MLLT3: variants seen among roughly 807,000 people sequenced by gnomAD.
The protein encoded by MLLT3 is MLLT3 super elongation complex subunit.
Under a neutral mutation model 53.2 loss-of-function variants are expected in MLLT3, and 4 were observed. The observed-to-expected ratio is 0.08, with a 90% CI of 0.04 to 0.17. MLLT3 has a LOEUF of 0.17. Ranked by LOEUF, MLLT3 falls within the 10% of genes least tolerant of loss-of-function variation. The pLI is 1.00. For synonymous variants in MLLT3, 283 were observed against 230.6 expected (o/e 1.23, Z -2.06); for missense variants, 569 against 684.0 (o/e 0.83, Z 1.87).
chr9:20,483,701 T>C (rs1824728637), intron 2 of MLLT3, among the ~76,000 whole-genome samples: 2 of 13,588 alleles, frequency 1.5e-4, no homozygotes, highest in Admixed American at 8.0e-4. Context: ...TAAAACTCTT[T>C]TTTTTTTTTT....
At chr9:20,611,921 C>T (rs530201673) in intron 2 of MLLT3, among the ~76,000 whole-genome samples, 3 of 152,238 alleles carry the variant, frequency 2.0e-5, no homozygotes, top group African/African-American at 7.2e-5. Flanking sequence ...GAGATAACTA[C>T]CACCCAGCAA....
chr9:20,443,065 T>C (rs1280403264), intron 4 of MLLT3, among the ~76,000 whole-genome samples: 3 of 151,828 alleles, frequency 2.0e-5, no homozygotes, highest in African/African-American at 7.3e-5. Flanking sequence ...CTGAACAACA[T>C]GTTTAGACTT....
rs1448558785 is a variant in MLLT3, at chr9:20,588,383, G to A, written c.193+32271C>T. On this transcript the variant is annotated intron_variant, in intron 2 of 10. Transcript: ENST00000380338. ...GTTTTTTCCAATTCTGTGAAGAAAGGCATTGGTAGCTTGATGGGGATGGCA... is the reference window on the plus strand; with the variant it reads ...GTTTTTTCCAATTCTGTGAAGAAAGACATTGGTAGCTTGATGGGGATGGCA... Among the ~76,000 whole-genome samples, 5 of 151,578 alleles carry A rather than the reference G, an allele frequency of 3.3e-5. No individual in the cohort carries two copies. In the East Asian group the frequency reaches 9.7e-4, roughly 29 times the overall value.
At position 20,448,416 on chromosome 9, in the gene MLLT3, T is replaced by C; in HGVS notation, c.277-150A>G. 3 of 592,196 alleles carry C rather than the reference T, an allele frequency of 5.1e-6. No individual in the cohort carries two copies. Among genetic ancestry groups the C allele is most frequent in the Non-Finnish European group, 8.4e-6 (3 of 359,126 alleles). The allele number at this position is 592,196 out of a possible 1,614,324, so 36.7% of individuals were successfully genotyped here. The stretch of plus-strand genomic sequence containing the variant: ...AGTAGTACTGGGAAAAAAAAAAGTA[T>C]CATGGAATCATCAGTGAAACAAAAT... On this transcript the variant is annotated intron_variant, in intron 3 of 10. Transcript: ENST00000380338. The surrounding 1 kb of genome is among the most constrained non-coding windows in gnomAD (Gnocchi z 4.0).
intron 2 of MLLT3, among the ~76,000 whole-genome samples, chr9:20,505,023 G>C (rs1462903402): frequency 6.6e-6 from 1 of 152,148 alleles, no homozygotes; most frequent in Non-Finnish European, 1.5e-5. Context: ...CTCACCATAA[G>C]TCAAAAGACA....
chr9:20,579,321 G>T (rs1230074895), intron 2 of MLLT3, among the ~76,000 whole-genome samples: 1 of 151,888 alleles, frequency 6.6e-6, no homozygotes, highest in East Asian at 1.9e-4. Context: ...AATGAGCTTT[G>T]AGTAGTACGC....
Position 20,620,397 on chromosome 9 carries a change from T to C in MLLT3, c.193+257A>G, listed in dbSNP as rs1820965412. Reference sequence around the variant, plus strand: ...CCCGCGGCTAACCCCAGAGGACTGGTGAGGGCTGGCTTGGGATGAATAAAC... The same window carrying C: ...CCCGCGGCTAACCCCAGAGGACTGGCGAGGGCTGGCTTGGGATGAATAAAC... On this transcript the variant is annotated intron_variant, in intron 2 of 10. Coordinates refer to ENST00000380338, the MANE Select transcript of MLLT3 (RefSeq NM_004529.4). This position sits in a 1 kb window ranked among gnomAD's most constrained non-coding sequence, Gnocchi z 6.1. Among the ~76,000 whole-genome samples, 1 of 151,326 alleles carries C rather than the reference T, an allele frequency of 6.6e-6. No individual in the cohort carries two copies. Among genetic ancestry groups the C allele is most frequent in the African/African-American group, 2.4e-5 (1 of 41,152 alleles).
chr9:20,618,595 G>C (rs1485676082), intron 2 of MLLT3, among the ~76,000 whole-genome samples: 1 of 152,164 alleles, frequency 6.6e-6, no homozygotes, highest in Non-Finnish European at 1.5e-5. Context: ...AACCTCCACA[G>C]TTGAGTATAA....
chr9:20,566,316 G>C (rs1248287313), intron 2 of MLLT3, among the ~76,000 whole-genome samples: 2 of 151,486 alleles, frequency 1.3e-5, no homozygotes, highest in African/African-American at 4.9e-5. Flanking sequence ...AAAAAGAAGA[G>C]GGGATGTGAA....
Position 20,451,695 on chromosome 9 carries a change from T to C in MLLT3, c.277-3429A>G, listed in dbSNP as rs192055628. 2.0e-3 allele frequency among the ~76,000 whole-genome samples: 301 copies of C among 152,300 alleles called. 2 individuals carry two copies. The highest frequency in any genetic ancestry group is 0.01 in the Middle Eastern group (3 of 294). On this transcript the variant is annotated intron_variant, in intron 3 of 10. Transcript: ENST00000380338. The stretch of plus-strand genomic sequence containing the variant: ...CATGTGCTTGCTCTCTATATATAAA[T>C]AATACATTTCCTAGAGGTGGAAATT...
At chr9:20,558,464 C>T (rs190937138) in intron 2 of MLLT3, among the ~76,000 whole-genome samples, 313 of 152,242 alleles carry the variant, frequency 2.1e-3, no homozygotes, top group Admixed American at 4.6e-3. Context: ...CCAACCCGAA[C>T]TGCAATATAA....
At position 20,345,450 on chromosome 9, in the gene MLLT3, A is replaced by G. The variant is rs890799782; in HGVS notation, c.*993T>C. ...CTGACTAATAAATAGATCCAAATTA[A>G]GAATTTCTACAACAGTTTTTTTTTT... On this transcript the variant is annotated 3_prime_UTR_variant, in exon 11 of 11. Transcript: ENST00000380338. 5.0e-6 allele frequency: 1 copy of G among 201,852 alleles called. No individual in the cohort carries two copies. The highest frequency in any genetic ancestry group is 9.8e-6 in the Non-Finnish European group (1 of 102,454). 12.5% of individuals were successfully genotyped at this position (201,852 alleles called of 1,614,324 possible).
chr9:20,612,781 T>C (rs1032882706), intron 2 of MLLT3, among the ~76,000 whole-genome samples: 1 of 151,860 alleles, frequency 6.6e-6, no homozygotes, highest in Non-Finnish European at 1.5e-5. Flanking sequence ...AAATAGGAAA[T>C]ATTAAAATAG....
chr9:20,367,196 T>C (rs1821479639), intron 5 of MLLT3, among the ~76,000 whole-genome samples: 1 of 151,996 alleles, frequency 6.6e-6, no homozygotes, highest in Non-Finnish European at 1.5e-5. Context: ...GAATTCTCCT[T>C]ATCCTTTTCT....
At chr9:20,364,076 G>C (rs1367487472) in intron 6 of MLLT3, among the ~76,000 whole-genome samples, 1 of 152,168 alleles carries the variant, frequency 6.6e-6, no homozygotes, top group Non-Finnish European at 1.5e-5. Context: ...GGTCAAGCAA[G>C]CATTTCAGTC....
At chr9:20,456,229 G>A (rs946433612) in intron 3 of MLLT3, among the ~76,000 whole-genome samples, 7 of 151,954 alleles carry the variant, frequency 4.6e-5, no homozygotes, top group Admixed American at 1.3e-4. Context: ...GTGAGCCACC[G>A]CGCCAGGCCT....
intron 2 of MLLT3, among the ~76,000 whole-genome samples, chr9:20,533,895 G>C (rs1458078669): frequency 6.6e-6 from 1 of 152,194 alleles, no homozygotes; most frequent in Non-Finnish European, 1.5e-5. Flanking sequence ...AGAGGTGGGA[G>C]AATCAGGGAC....
chr9:20,520,122 C>T (rs1268647883), intron 2 of MLLT3, among the ~76,000 whole-genome samples: 4 of 152,122 alleles, frequency 2.6e-5, no homozygotes, highest in South Asian at 2.1e-4. Flanking sequence ...ACCACATGTT[C>T]TCACTTATAA....
chr9:20,567,857 G>A (rs1234065778), intron 2 of MLLT3, among the ~76,000 whole-genome samples: 1 of 152,086 alleles, frequency 6.6e-6, no homozygotes, highest in Non-Finnish European at 1.5e-5. Context: ...TGGGGAGCAA[G>A]GGGTTTAAAA....
Sources: gnomAD v4.1 joint callset for allele counts (sites outside exome capture counted in the v4.1 genomes callset) on GRCh38, gnomAD v4.1.1 for gene constraint, Gnocchi (gnomAD v3.1) non-coding constraint, MANE v1.5 for transcripts, NCBI Gene and HGNC (gene_info 2026-07-23, HGNC 2026-07-21) for gene names.